PDILT: variants seen among roughly 807,000 people sequenced by gnomAD.
The protein encoded by PDILT is protein disulfide-isomerase-like protein of the testis.
PDILT carries 43 observed loss-of-function variants against 53.7 expected under a neutral mutation model. The observed-to-expected ratio is 0.80, with a 90% confidence interval of 0.63 to 1.03. The LOEUF (loss-of-function observed/expected upper bound fraction) is 1.03. Ranked by LOEUF, PDILT falls within the 50% of genes least tolerant of loss-of-function variation. The pLI is 0.00. For missense variants in PDILT, 727 were observed against 712.3 expected, an observed-to-expected ratio of 1.02 and a Z score of -0.24; for synonymous variants, 282 against 274.2, an observed-to-expected ratio of 1.03 and a Z score of -0.28.
intron 3 of PDILT, among the ~76,000 whole-genome samples, chr16:20,376,653 C>A (rs1966393069): frequency 6.6e-6 from 1 of 152,168 alleles, no homozygotes; most frequent in South Asian, 2.1e-4. Flanking sequence ...TAAAATATAA[C>A]TGGAAAGACC....
intron 3 of PDILT, among the ~76,000 whole-genome samples, chr16:20,379,067 G>T (rs1485681414): frequency 6.6e-6 from 1 of 151,700 alleles, no homozygotes; most frequent in Non-Finnish European, 1.5e-5. Context: ...AGGCTAGAGT[G>T]CAGTGGTGTA....
chr16:20,371,037 C>A (rs372987875), intron 7 of PDILT, among the ~76,000 whole-genome samples: 1 of 152,202 alleles, frequency 6.6e-6, no homozygotes, highest in Non-Finnish European at 1.5e-5. Flanking sequence ...CCTGTACTTT[C>A]CTAATAAACT....
chr16:20,368,718 C>T (rs887742068), intron 8 of PDILT, among the ~76,000 whole-genome samples: 3 of 152,196 alleles, frequency 2.0e-5, no homozygotes, highest in South Asian at 2.1e-4. Context: ...GCCTCAGCCT[C>T]CTAAGTAGCT....
At chr16:20,383,915 T>C (rs1302348907) in intron 3 of PDILT, among the ~76,000 whole-genome samples, 4 of 152,164 alleles carry the variant, frequency 2.6e-5, no homozygotes, top group Non-Finnish European at 5.9e-5. Context: ...TCTCCACACA[T>C]CCTCAACATC....
At chr16:20,386,251 GGGGACTAAA>G (rs1373259491) in intron 2 of PDILT, among the ~76,000 whole-genome samples, 2 of 152,102 alleles carry the variant, frequency 1.3e-5, no homozygotes, top group Admixed American at 6.5e-5. Flanking sequence ...GCTAAACGGA[GGGGACTAAA>G]AGGCGCCCAA....
chr16:20,381,361 G>A (rs1255603789), intron 3 of PDILT, among the ~76,000 whole-genome samples: 1 of 152,162 alleles, frequency 6.6e-6, no homozygotes, highest in African/African-American at 2.4e-5. Context: ...ATTGGGCCGG[G>A]TGCGGTGGCT....
chr16:20,378,002 C>G (rs1193631744), intron 3 of PDILT, among the ~76,000 whole-genome samples: 1 of 151,726 alleles, frequency 6.6e-6, no homozygotes, highest in African/African-American at 2.4e-5. Flanking sequence ...CTGGAGTTAA[C>G]TAGGAGGCAT....
Position 20,359,308 on chromosome 16 carries a change from T to C in PDILT, c.*11A>G. The C allele has an allele frequency of 6.2e-7, 1 of 1,611,732 alleles. No individual in the cohort carries two copies. Among genetic ancestry groups the C allele is most frequent in the South Asian group, 1.1e-5 (1 of 90,522 alleles). ...GGAAAATAAGCATCTTTTTTCCTGG[T>C]ATTGGAGAAGCTAAAGTTCTTCCTT... On this transcript the variant is annotated 3_prime_UTR_variant, in exon 12 of 12. Coordinates refer to ENST00000302451, the MANE Select transcript of PDILT (RefSeq NM_174924.2).
chr16:20,384,920 G>T (rs1389146050), intron 2 of PDILT, 69 bp from the exon 3 acceptor site: 12 of 1,489,498 alleles, frequency 8.1e-6, no homozygotes, highest in Non-Finnish European at 1.1e-5. Context: ...TAGATTATTT[G>T]TTGGGCCTGC....
rs1422972169 is a variant in PDILT, at chr16:20,359,360, G to A, written c.1714C>T (p.Pro572Ser). 19 of 1,614,110 alleles carry A rather than the reference G, an allele frequency of 1.2e-5. No homozygotes were observed. Among genetic ancestry groups the A allele is most frequent in the Non-Finnish European group, 1.6e-5 (19 of 1,180,026 alleles). The change falls in exon 12 of 12, where the codon CCA becomes TCA. Residue 572 changes from proline to serine, a missense_variant. By Grantham distance (74) the Pro-to-Ser change is moderately conservative. Coordinates refer to ENST00000302451, the MANE Select transcript of PDILT (RefSeq NM_174924.2). Reference sequence around the variant, plus strand: ...ACTTTTGGTTTCTTCTTTTGCACTGGAGGTCCCTTTGGCTTAGCCACCACC... The same window carrying A: ...ACTTTTGGTTTCTTCTTTTGCACTGAAGGTCCCTTTGGCTTAGCCACCACC... ...VVVVAKPKGP[P>S]VQKKKPKVKE...
At chr16:20,384,058 G>T (rs1966497194) in intron 3 of PDILT, among the ~76,000 whole-genome samples, 1 of 152,196 alleles carries the variant, frequency 6.6e-6, no homozygotes, top group African/African-American at 2.4e-5. Context: ...AGCCTGTCTT[G>T]TTCCATCATC....
intron 9 of PDILT, 25 bp downstream of exon 9, chr16:20,365,395 C>T: frequency 6.2e-7 from 1 of 1,612,378 alleles, no homozygotes; most frequent in Non-Finnish European, 8.5e-7. Flanking sequence ...CCCGTTGCCT[C>T]AGAACCCCTC....
At chr16:20,400,071 TA>T (rs1182834675) in intron 1 of PDILT, among the ~76,000 whole-genome samples, 8 of 134,322 alleles carry the variant, frequency 6.0e-5, no homozygotes, top group Non-Finnish European at 8.0e-5. Context: ...TATATATATA[TA>T]TTTTTTGAGA....
chr16:20,396,392 T>G (rs990639666), intron 2 of PDILT, among the ~76,000 whole-genome samples: 2 of 152,248 alleles, frequency 1.3e-5, no homozygotes, highest in Non-Finnish European at 2.9e-5. Flanking sequence ...TACTAATGCT[T>G]GGCATGAGGT....
intron 8 of PDILT, among the ~76,000 whole-genome samples, chr16:20,368,459 GA>G (rs1168555414): frequency 1.2e-4 from 18 of 152,288 alleles, no homozygotes; most frequent in African/African-American, 4.1e-4. Flanking sequence ...CTGTGCACAC[GA>G]GACAGCTTCC....
intron 8 of PDILT, among the ~76,000 whole-genome samples, chr16:20,367,084 T>TTTC (rs1306698089): frequency 1.7e-5 from 2 of 115,194 alleles, no homozygotes; most frequent in East Asian, 4.3e-4. Flanking sequence ...TCTTTCTTTC[T>TTTC]TTCTTTCTTT....
At chr16:20,383,327 A>G (rs1256047675) in intron 3 of PDILT, among the ~76,000 whole-genome samples, 4 of 152,118 alleles carry the variant, frequency 2.6e-5, no homozygotes, top group Admixed American at 2.6e-4. Context: ...CTCTCCCCAG[A>G]GCAAACACAT....
At chr16:20,366,940 CT>C (rs1966201206) in intron 8 of PDILT, among the ~76,000 whole-genome samples, 1 of 18,816 alleles carries the variant, frequency 5.3e-5, no homozygotes, top group Non-Finnish European at 1.8e-4. Context: ...AAATTCTTTC[CT>C]TCCTTCCTTC....
chr16:20,365,406 T>C lies in PDILT; in HGVS notation c.1237+14A>G. 1 of 1,613,462 alleles carries C rather than the reference T, an allele frequency of 6.2e-7. No individual in the cohort carries two copies. Among genetic ancestry groups the C allele is most frequent in the East Asian group, 2.2e-5 (1 of 44,876 alleles). On this transcript the variant is annotated intron_variant, in intron 9 of 11. Transcript: ENST00000302451. ...GGCACCCGTTGCCTCAGAACCCCTC[T>C]TGGAGATACTTACAGAACATCACAA...
Sources: allele counts gnomAD v4.1 joint callset (sites outside exome capture counted in the v4.1 genomes callset), GRCh38; gene constraint gnomAD v4.1.1; transcripts MANE v1.5; gene names NCBI Gene and HGNC (gene_info 2026-07-23, HGNC 2026-07-21).